Variants in RANBP2 observed in about 807,000 individuals in gnomAD.
RANBP2 encodes the protein E3 SUMO-protein ligase RanBP2.
RANBP2 carries 57 observed loss-of-function variants against 303.6 expected under a neutral mutation model. That is an observed-to-expected ratio of 0.19 (90% CI 0.15 to 0.23). RANBP2 has a LOEUF of 0.23. Ranked by LOEUF, RANBP2 falls within the 10% of genes least tolerant of loss-of-function variation. The pLI, the probability that RANBP2 is intolerant of heterozygous loss-of-function variation, is 1.00. For missense variants in RANBP2, 3,138 were observed against 3,780.8 expected, an observed-to-expected ratio of 0.83 and a Z score of 4.46; for synonymous variants, 1,167 against 1,301.5, an observed-to-expected ratio of 0.90 and a Z score of 2.23.
chr2:108,980,776 T>G, the RANBP2 span, among the ~76,000 whole-genome samples: 4 of 152,186 alleles, frequency 2.6e-5, no homozygotes, highest in South Asian at 8.3e-4. Flanking sequence ...TGAATCAGTG[T>G]GGCCAGAGTG....
the RANBP2 span, among the ~76,000 whole-genome samples, chr2:108,800,657 A>G: frequency 4.4e-5 from 3 of 68,766 alleles, no homozygotes; most frequent in East Asian, 1.5e-3. Context: ...TTTAAGTTTT[A>G]GGGTACATGT....
At chr2:109,664,888 C>T in the RANBP2 span, among the ~76,000 whole-genome samples, 1 of 151,460 alleles carries the variant, frequency 6.6e-6, no homozygotes, top group South Asian at 2.1e-4. Flanking sequence ...CAAGATCACG[C>T]TATTCCACTC....
chr2:109,433,324 A>G, the RANBP2 span, among the ~76,000 whole-genome samples: 1 of 152,132 alleles, frequency 6.6e-6, no homozygotes, highest in Non-Finnish European at 1.5e-5. Flanking sequence ...GTGGTAATAT[A>G]TTTTTTTCTT....
At chr2:109,125,788 G>A in the RANBP2 span, among the ~76,000 whole-genome samples, 4 of 152,190 alleles carry the variant, frequency 2.6e-5, no homozygotes, top group African/African-American at 7.2e-5. Flanking sequence ...AAATTTAACC[G>A]AGTAACATAA....
At chr2:109,398,730 G>A in the RANBP2 span, 7 of 1,613,160 alleles carry the variant, frequency 4.3e-6, no homozygotes, top group South Asian at 1.1e-5. Context: ...GCTCAGGGGC[G>A]GTCAGTGCCT....
chr2:109,072,964 T>C, the RANBP2 span, among the ~76,000 whole-genome samples: 1 of 152,012 alleles, frequency 6.6e-6, no homozygotes, highest in African/African-American at 2.4e-5. Flanking sequence ...GGCTCATCTG[T>C]GAAGACTGAG....
chr2:108,813,216 T>C, the RANBP2 span, among the ~76,000 whole-genome samples: 13 of 113,360 alleles, frequency 1.1e-4, no homozygotes, highest in South Asian at 3.9e-3. Context: ...ACCACTGCAC[T>C]CCAGCCTGGG....
the RANBP2 span, chr2:109,614,946 C>G: frequency 6.6e-7 from 1 of 1,520,930 alleles, no homozygotes; most frequent in Non-Finnish European, 8.8e-7. Context: ...CGCCGGGGCT[C>G]GCAGGAAGAA....
At chr2:109,532,759 G>A in the RANBP2 span, among the ~76,000 whole-genome samples, 17 of 152,026 alleles carry the variant, frequency 1.1e-4, no homozygotes, top group African/African-American at 4.1e-4. Flanking sequence ...ATAACCTCCT[G>A]ACAGATCTTG....
chr2:108,783,040 C>G (rs994069698), intron 28 of RANBP2, among the ~76,000 whole-genome samples, 178 bp downstream of exon 28: 1 of 152,070 alleles, frequency 6.6e-6, no homozygotes, highest in Non-Finnish European at 1.5e-5. Context: ...CTAAAACTTT[C>G]AACCTAAAAT....
At chr2:108,761,968 G>A in intron 18 of RANBP2, 133 bp from the exon 19 acceptor site, 3 of 995,378 alleles carry the variant, frequency 3.0e-6, no homozygotes, top group Non-Finnish European at 4.3e-6. Flanking sequence ...TTGATGTACA[G>A]AAATTTAAAA....
the RANBP2 span, among the ~76,000 whole-genome samples, chr2:109,170,163 G>A: frequency 6.6e-6 from 1 of 152,020 alleles, no homozygotes; most frequent in African/African-American, 2.4e-5. Flanking sequence ...TAATACCATC[G>A]TCGGCTCTTG....
At chr2:108,979,185 CTT>C in the RANBP2 span, among the ~76,000 whole-genome samples, 2 of 152,180 alleles carry the variant, frequency 1.3e-5, no homozygotes, top group Non-Finnish European at 2.9e-5. Flanking sequence ...GTACTTGACC[CTT>C]ACTTAAGGAA....
chr2:109,360,822 C>T, the RANBP2 span, among the ~76,000 whole-genome samples: 2 of 152,092 alleles, frequency 1.3e-5, no homozygotes, highest in Non-Finnish European at 2.9e-5. Context: ...CTTTTCTTGT[C>T]TTATTGTATT....
At chr2:109,455,461 T>A in the RANBP2 span, among the ~76,000 whole-genome samples, 1 of 152,226 alleles carries the variant, frequency 6.6e-6, no homozygotes, top group Non-Finnish European at 1.5e-5. Context: ...GTCTGGGGCG[T>A]GGAGTCTGTG....
At chr2:109,078,192 T>TAGC in the RANBP2 span, among the ~76,000 whole-genome samples, 13 of 65,270 alleles carry the variant, frequency 2.0e-4, 1 homozygote, top group African/African-American at 7.3e-4. Context: ...AGCATATATA[T>TAGC]ATAGCGTATA....
the RANBP2 span, among the ~76,000 whole-genome samples, chr2:108,838,512 T>G: frequency 6.6e-6 from 1 of 152,166 alleles, no homozygotes; most frequent in South Asian, 2.1e-4. Flanking sequence ...AAATCGATTT[T>G]CTTAGGCTGG....
the RANBP2 span, among the ~76,000 whole-genome samples, chr2:109,283,674 G>A: frequency 1.3e-5 from 2 of 152,210 alleles, no homozygotes; most frequent in African/African-American, 2.4e-5. Context: ...GGAAGCAGGG[G>A]ACAGTAGCCC....
the RANBP2 span, chr2:108,791,472 A>G: frequency 1.7e-6 from 1 of 585,790 alleles, no homozygotes; most frequent in Non-Finnish European, 3.1e-6. Flanking sequence ...TAATGTGTAG[A>G]AAAAGATGCT....
Sources: allele counts gnomAD v4.1 joint callset (sites outside exome capture counted in the v4.1 genomes callset), GRCh38; gene constraint gnomAD v4.1.1; transcripts MANE v1.5; gene names NCBI Gene and HGNC (gene_info 2026-07-23, HGNC 2026-07-21).